The following LRFN2 variants were observed in gnomAD, a reference collection of about 807,000 sequenced individuals.
LRFN2 encodes leucine-rich repeat and fibronectin type-III domain-containing protein 2.
In LRFN2, 18 loss-of-function variants were observed where a neutral mutation model predicts 37.3. That is an observed-to-expected ratio of 0.48 (90% CI 0.33 to 0.72). The LOEUF (loss-of-function observed/expected upper bound fraction) is 0.72, where lower values mean the gene tolerates loss of function less well. Among genes scored for constraint, LRFN2 ranks in the 30% least tolerant of loss-of-function variants. LRFN2 has a pLI of 0.02. For synonymous variants in LRFN2, 556 were observed against 466.6 expected (o/e 1.19, Z -2.47); for missense variants, 1,006 against 1,060.7 (o/e 0.95, Z 0.72).
intron 1 of LRFN2, among the ~76,000 whole-genome samples, chr6:40,534,309 G>A (rs1331636488): frequency 6.6e-6 from 1 of 152,150 alleles, no homozygotes; most frequent in African/African-American, 2.4e-5. Flanking sequence ...ACTCTTATGA[G>A]AAATGGTGAA....
At chr6:40,425,276 C>A (rs898125385) in intron 2 of LRFN2, among the ~76,000 whole-genome samples, 2 of 152,260 alleles carry the variant, frequency 1.3e-5, no homozygotes, top group African/African-American at 4.8e-5. Context: ...AGGATGGGGG[C>A]AGCATAACAA....
chr6:40,489,566 G>A (rs1765039171), intron 1 of LRFN2, among the ~76,000 whole-genome samples: 1 of 152,142 alleles, frequency 6.6e-6, no homozygotes, highest in Non-Finnish European at 1.5e-5. Context: ...GAGGAAAAGT[G>A]GGGCAGGAGG....
chr6:40,504,791 A>C (rs1376276309), intron 1 of LRFN2, among the ~76,000 whole-genome samples: 1 of 152,092 alleles, frequency 6.6e-6, no homozygotes, highest in African/African-American at 2.4e-5. Context: ...ATACAGAATC[A>C]CCTTTGATAT....
rs922208074 is a variant in LRFN2 at position 40,432,231 on chromosome 6, T to A, written c.883A>T (p.Thr295Ser). 6.2e-7 allele frequency: 1 copy of A among 1,613,906 alleles called. No homozygotes were observed. The change falls in exon 2 of 3, where the codon ACA becomes TCA. Residue 295 changes from threonine to serine, a missense_variant. Coordinates refer to ENST00000338305, the MANE Select transcript of LRFN2 (RefSeq NM_020737.3). ...VCEPPLITQH[T>S]HKLLVLEGQA... ...CCCTCCAGAACCAGCAACTTGTGTGTGTGCTGGGTGATGAGAGGCGGCTCG... is the reference window on the plus strand; with the variant it reads ...CCCTCCAGAACCAGCAACTTGTGTGAGTGCTGGGTGATGAGAGGCGGCTCG...
intron 1 of LRFN2, among the ~76,000 whole-genome samples, chr6:40,463,182 G>A (rs79946716): frequency 1.7e-3 from 264 of 152,294 alleles, no homozygotes; most frequent in African/African-American, 6.1e-3. Flanking sequence ...GTTTATATAA[G>A]AGGAAAATAA....
At chr6:40,467,386 C>A (rs1198382614) in intron 1 of LRFN2, among the ~76,000 whole-genome samples, 1 of 152,074 alleles carries the variant, frequency 6.6e-6, no homozygotes, top group East Asian at 1.9e-4. Flanking sequence ...GCAGATACTG[C>A]AGCAGGCTCT....
In LRFN2 at chr6:40,391,690, G is replaced by A. The variant is rs1453167840; in HGVS notation, c.*253C>T. The A allele has an allele frequency of 2.6e-6, 1 of 389,680 alleles. No homozygotes were observed. The highest frequency in any genetic ancestry group is 4.5e-6 in the Non-Finnish European group (1 of 220,568). 24.1% of individuals were successfully genotyped at this position (389,680 alleles called of 1,614,324 possible). A position where few individuals can be genotyped will look rare whatever the true frequency, so the allele number is the denominator to read the frequency against. Reference sequence around the variant, plus strand: ...CTACATTTGTGATTAGAAAGGCGGAGTCTCGCCTTTCCAAACACTCAGGGC... The same window carrying A: ...CTACATTTGTGATTAGAAAGGCGGAATCTCGCCTTTCCAAACACTCAGGGC... On this transcript the variant is annotated 3_prime_UTR_variant, in exon 3 of 3. Coordinates refer to ENST00000338305, the MANE Select transcript of LRFN2 (RefSeq NM_020737.3).
chr6:40,398,999 G>A (rs1001526697), intron 2 of LRFN2, among the ~76,000 whole-genome samples: 2 of 151,858 alleles, frequency 1.3e-5, no homozygotes, highest in Admixed American at 6.6e-5. Flanking sequence ...AGGCTCCCTT[G>A]TCTGTTCCCA....
At chr6:40,469,057 T>C (rs1764536698) in intron 1 of LRFN2, among the ~76,000 whole-genome samples, 1 of 152,210 alleles carries the variant, frequency 6.6e-6, no homozygotes, top group African/African-American at 2.4e-5. Context: ...GTGATGTGAT[T>C]GTCCTGGATT....
At chr6:40,423,036 G>T (rs1459418558) in intron 2 of LRFN2, among the ~76,000 whole-genome samples, 4 of 152,162 alleles carry the variant, frequency 2.6e-5, no homozygotes, top group Non-Finnish European at 5.9e-5. Flanking sequence ...GAATCCCAGT[G>T]GTGTCACCTT....
intron 1 of LRFN2, among the ~76,000 whole-genome samples, chr6:40,542,309 G>T (rs1031243803): frequency 6.6e-6 from 1 of 152,100 alleles, no homozygotes; most frequent in Non-Finnish European, 1.5e-5. Flanking sequence ...AGGAAACCTG[G>T]CCCGGAGAGG....
chr6:40,444,994 C>T (rs4714348), intron 1 of LRFN2, among the ~76,000 whole-genome samples: 42,833 of 151,562 alleles, frequency 0.28, 6,702 homozygotes, highest in Middle Eastern at 0.37. Context: ...CTCCTTCCTG[C>T]ACCCCCTCCA....
intron 1 of LRFN2, among the ~76,000 whole-genome samples, chr6:40,573,846 T>A (rs1417889073): frequency 6.6e-6 from 1 of 152,114 alleles, no homozygotes; most frequent in Non-Finnish European, 1.5e-5. Flanking sequence ...GGCATGGTGA[T>A]GCTACTCGGG....
intron 1 of LRFN2, among the ~76,000 whole-genome samples, chr6:40,563,569 G>T (rs915359248): frequency 2.0e-5 from 3 of 152,086 alleles, no homozygotes; most frequent in Non-Finnish European, 4.4e-5. Context: ...GACTAAGCTG[G>T]GATTCAGCTG....
Position 40,537,791 on chromosome 6 carries a change from T to C in LRFN2, c.-19+49150A>G, listed in dbSNP as rs147161080. Among the ~76,000 whole-genome samples the C allele has an allele frequency of 3.0e-4, 46 of 152,136 alleles. 1 individual carries two copies. The highest frequency in any genetic ancestry group is 1.1e-3 in the African/African-American group (46 of 41,530). ...GGACTCCCTCAGTGTTAAAGCTGGA[T>C]GGACATCAGAGGGCCTAGGGTGGAG... On this transcript the variant is annotated intron_variant, in intron 1 of 2. Coordinates refer to ENST00000338305, the MANE Select transcript of LRFN2 (RefSeq NM_020737.3).
chr6:40,395,662 C>T (rs1425576008), intron 2 of LRFN2, among the ~76,000 whole-genome samples: 3 of 152,232 alleles, frequency 2.0e-5, no homozygotes, highest in Non-Finnish European at 4.4e-5. Flanking sequence ...GTGCGCCATG[C>T]TCTAAGTGCC....
chr6:40,532,313 C>T (rs144125929), intron 1 of LRFN2, among the ~76,000 whole-genome samples: 1 of 152,324 alleles, frequency 6.6e-6, no homozygotes, highest in African/African-American at 2.4e-5. Context: ...ATATAATGGA[C>T]CTAGTGGTCA....
At chr6:40,419,575 CT>C (rs1382386665) in intron 2 of LRFN2, among the ~76,000 whole-genome samples, 29 of 152,326 alleles carry the variant, frequency 1.9e-4, no homozygotes, top group African/African-American at 7.0e-4. Context: ...TGTAAGCCAC[CT>C]AGAGTTTGAG....
At chr6:40,477,156 A>G (rs905154547) in intron 1 of LRFN2, among the ~76,000 whole-genome samples, 1 of 152,208 alleles carries the variant, frequency 6.6e-6, no homozygotes, top group Admixed American at 6.5e-5. Flanking sequence ...AATGGGACCC[A>G]GAGTATTTTG....
Sources: allele counts gnomAD v4.1 joint callset (sites outside exome capture counted in the v4.1 genomes callset), GRCh38; gene constraint gnomAD v4.1.1; transcripts MANE v1.5; gene names NCBI Gene and HGNC (gene_info 2026-07-23, HGNC 2026-07-21).